SCHIP1: variants seen among roughly 807,000 people sequenced by gnomAD.
SCHIP1 encodes the protein schwannomin-interacting protein 1.
Under a neutral mutation model 29.7 loss-of-function variants are expected in SCHIP1, and 8 were observed. That is an observed-to-expected ratio of 0.27 (90% CI 0.16 to 0.49). SCHIP1 has a LOEUF of 0.49. SCHIP1 is among the 20% of genes least tolerant of loss of function. The pLI is 0.99. For synonymous variants in SCHIP1, 76 were observed against 94.9 expected (o/e 0.80, Z 1.16); for missense variants, 193 against 294.6 (o/e 0.66, Z 2.52).
chr3:159,783,058 C>T, the SCHIP1 span, among the ~76,000 whole-genome samples: 1 of 152,222 alleles, frequency 6.6e-6, no homozygotes, highest in African/African-American at 2.4e-5. Flanking sequence ...CTACCTTCTG[C>T]AATGTTTTTA....
chr3:159,397,442 C>CT, the SCHIP1 span, among the ~76,000 whole-genome samples: 5 of 152,078 alleles, frequency 3.3e-5, no homozygotes, highest in Non-Finnish European at 7.4e-5. Flanking sequence ...TTTTCCCCAT[C>CT]TTTGTGGTTT....
the SCHIP1 span, among the ~76,000 whole-genome samples, chr3:159,421,887 A>G: frequency 6.6e-6 from 1 of 152,176 alleles, no homozygotes; most frequent in Non-Finnish European, 1.5e-5. Context: ...GCCCCTCAAG[A>G]ACACAATTAA....
At chr3:159,814,277 C>T in the SCHIP1 span, among the ~76,000 whole-genome samples, 1 of 152,196 alleles carries the variant, frequency 6.6e-6, no homozygotes, top group Admixed American at 6.5e-5. Flanking sequence ...ATCAGTCAGG[C>T]TTTTGTTTGC....
At chr3:159,849,416 T>C (rs1347480138) in intron 1 of SCHIP1, among the ~76,000 whole-genome samples, 1 of 152,226 alleles carries the variant, frequency 6.6e-6, no homozygotes, top group Non-Finnish European at 1.5e-5. Flanking sequence ...TATTATAATT[T>C]CATCCATGTT....
chr3:159,639,435 G>T, the SCHIP1 span, among the ~76,000 whole-genome samples: 1 of 151,708 alleles, frequency 6.6e-6, no homozygotes, highest in Admixed American at 6.6e-5. Context: ...TTTTAATTCT[G>T]TCACCCATCT....
chr3:159,288,455 G>A, the SCHIP1 span, among the ~76,000 whole-genome samples: 1 of 152,088 alleles, frequency 6.6e-6, no homozygotes, highest in African/African-American at 2.4e-5. Context: ...CATGTGCACT[G>A]ACAATAGAAT....
chr3:159,483,141 A>AT, the SCHIP1 span, among the ~76,000 whole-genome samples: 1 of 151,930 alleles, frequency 6.6e-6, no homozygotes, highest in Non-Finnish European at 1.5e-5. Context: ...GTTTTGGGAG[A>AT]TTTTTTTTCT....
chr3:159,442,399 C>A, the SCHIP1 span, among the ~76,000 whole-genome samples: 2 of 152,134 alleles, frequency 1.3e-5, no homozygotes, highest in African/African-American at 4.8e-5. Context: ...TGTCCCCTAT[C>A]ATGTGTTGGA....
At chr3:159,492,300 T>A in the SCHIP1 span, among the ~76,000 whole-genome samples, 1 of 151,926 alleles carries the variant, frequency 6.6e-6, no homozygotes, top group Non-Finnish European at 1.5e-5. Context: ...ATCAAACTAC[T>A]CCAAGCTAAA....
chr3:159,650,316 T>C, the SCHIP1 span, among the ~76,000 whole-genome samples: 1 of 152,218 alleles, frequency 6.6e-6, no homozygotes, highest in South Asian at 2.1e-4. Context: ...CAAATTAATT[T>C]ACTTGTGCTA....
the SCHIP1 span, among the ~76,000 whole-genome samples, chr3:159,553,933 T>C: frequency 6.6e-6 from 1 of 151,470 alleles, no homozygotes; most frequent in Non-Finnish European, 1.5e-5. Flanking sequence ...CCTGAGTAGC[T>C]GGGACTACAG....
chr3:159,351,868 T>A, the SCHIP1 span, among the ~76,000 whole-genome samples: 2 of 152,096 alleles, frequency 1.3e-5, no homozygotes. Flanking sequence ...ACACAGCTTG[T>A]CTAGGGCAGA....
At chr3:159,692,098 G>A in the SCHIP1 span, among the ~76,000 whole-genome samples, 4 of 143,396 alleles carry the variant, frequency 2.8e-5, no homozygotes, top group East Asian at 2.0e-4. Context: ...GCGCAATCTC[G>A]GCTCACTGCA....
At chr3:159,291,061 A>G in the SCHIP1 span, among the ~76,000 whole-genome samples, 1 of 152,258 alleles carries the variant, frequency 6.6e-6, no homozygotes, top group South Asian at 2.1e-4. Context: ...TCCAGTCTGT[A>G]AAAACCAGAA....
the SCHIP1 span, among the ~76,000 whole-genome samples, chr3:159,425,208 A>T: frequency 6.6e-6 from 1 of 152,210 alleles, no homozygotes; most frequent in Non-Finnish European, 1.5e-5. Context: ...CTTTAAATGT[A>T]AATGGCCTAA....
the SCHIP1 span, among the ~76,000 whole-genome samples, chr3:159,338,457 C>T: frequency 6.6e-6 from 1 of 152,064 alleles, no homozygotes; most frequent in Non-Finnish European, 1.5e-5. Context: ...TGAATAAGAA[C>T]ATGGTATAAG....
At chr3:159,716,468 G>C in the SCHIP1 span, among the ~76,000 whole-genome samples, 3 of 152,194 alleles carry the variant, frequency 2.0e-5, no homozygotes, top group African/African-American at 7.2e-5. Flanking sequence ...ATTGGATAAA[G>C]AGTCAAGATC....
chr3:159,694,254 C>T, the SCHIP1 span, among the ~76,000 whole-genome samples: 3 of 151,692 alleles, frequency 2.0e-5, no homozygotes, highest in Non-Finnish European at 4.4e-5. Context: ...CTAACCCTAA[C>T]CCTAACCCTA....
At chr3:159,533,850 T>C in the SCHIP1 span, among the ~76,000 whole-genome samples, 17,907 of 152,200 alleles carry the variant, frequency 0.12, 1,073 homozygotes, top group South Asian at 0.13. Flanking sequence ...CAGGGAACTT[T>C]TAATTTTTAG....
Sources: gnomAD v4.1 joint callset for allele counts (sites outside exome capture counted in the v4.1 genomes callset) on GRCh38, gnomAD v4.1.1 for gene constraint, MANE v1.5 for transcripts, NCBI Gene and HGNC (gene_info 2026-07-23, HGNC 2026-07-21) for gene names.